Variants in PAX9 observed in about 807,000 individuals in gnomAD.
PAX9 encodes the protein paired box protein Pax-9.
Under a neutral mutation model 29.1 loss-of-function variants are expected in PAX9, and 6 were observed. That is an observed-to-expected ratio of 0.21 (90% CI 0.11 to 0.41). The LOEUF (loss-of-function observed/expected upper bound fraction) is 0.41, where lower values mean the gene tolerates loss of function less well. PAX9 is among the 10% of genes least tolerant of loss of function. The pLI, the probability that PAX9 is intolerant of heterozygous loss-of-function variation, is 1.00. For synonymous variants in PAX9, 217 were observed against 211.7 expected, an observed-to-expected ratio of 1.03 and a Z score of -0.22; for missense variants, 443 against 479.1, an observed-to-expected ratio of 0.92 and a Z score of 0.70.
Position 36,676,490 on chromosome 14 carries a change from CCT to C in PAX9, c.*39_*40del. ...TCTCCAGCAGCTTCACCCGGGTCTC[CCT>C]GTCTCAGCACCTCCTCCCCCAATTC... On this transcript the variant is annotated 3_prime_UTR_variant, in exon 4 of 4. Transcript: ENST00000361487. The C allele has an allele frequency of 6.2e-7, 1 of 1,605,216 alleles. No homozygotes were observed.
chr14:36,662,158 GGGA>G, intron 1 of PAX9, 65 bp downstream of exon 1: 2 of 1,263,724 alleles, frequency 1.6e-6, no homozygotes, highest in South Asian at 3.1e-5. Flanking sequence ...GGGCAAGGGA[GGGA>G]GGGAGGGAGG....
In PAX9 at chr14:36,678,954, A is replaced by C. The variant is rs1882046664; in HGVS notation, c.*2502A>C. On this transcript the variant is annotated 3_prime_UTR_variant, in exon 4 of 4. Coordinates refer to ENST00000361487, the MANE Select transcript of PAX9 (RefSeq NM_001372076.1). Reference sequence around the variant, plus strand: ...TGGATTAAAGGGTTAACTTTTAAAGATTATTATTGGTTAATGTTGACATAT... The same window carrying C: ...TGGATTAAAGGGTTAACTTTTAAAGCTTATTATTGGTTAATGTTGACATAT... 1.0e-6 allele frequency: 1 copy of C among 982,126 alleles called. No homozygotes were observed. Among genetic ancestry groups the C allele is most frequent in the African/African-American group, 1.7e-5 (1 of 57,186 alleles). The allele number at this position is 982,126 out of a possible 1,614,324, so 60.8% of individuals were successfully genotyped here.
At chr14:36,669,746 C>G (rs907671410) in intron 3 of PAX9, among the ~76,000 whole-genome samples, 5 of 152,010 alleles carry the variant, frequency 3.3e-5, no homozygotes, top group African/African-American at 1.2e-4. Flanking sequence ...ATGCATATAC[C>G]TATCTTTTGT....
upstream of PAX9, chr14:36,661,655 G>A: frequency 4.3e-6 from 1 of 231,670 alleles, no homozygotes; most frequent in East Asian, 1.0e-4. Flanking sequence ...TTTTTGTGCC[G>A]CTTCTGGGAA....
Position 36,662,112 on chromosome 14 carries a change from C to A in PAX9, c.4+19C>A. On this transcript the variant is annotated intron_variant, in intron 1 of 3. Transcript: ENST00000361487. ...GCAATGGGTGAGTGGCGGCGGGGGA[C>A]TCTGTCAGAGCCGGGAAGGGAGGGA... The A allele has an allele frequency of 7.6e-7, 1 of 1,310,974 alleles. No individual in the cohort carries two copies. Among genetic ancestry groups the A allele is most frequent in the South Asian group, 1.3e-5 (1 of 77,776 alleles). 81.2% of individuals were successfully genotyped at this position (1,310,974 alleles called of 1,614,324 possible). A position where few individuals can be genotyped will look rare whatever the true frequency, so the allele number is the denominator to read the frequency against.
chr14:36,666,377 T>C, intron 2 of PAX9, 85 bp from the exon 3 acceptor site: 1 of 1,529,192 alleles, frequency 6.5e-7, no homozygotes, highest in Non-Finnish European at 8.8e-7. Context: ...GCCCTCCAGC[T>C]CTCCGTCGCG....
chr14:36,662,493 C>T (rs964965206), intron 1 of PAX9: 12 of 380,568 alleles, frequency 3.2e-5, no homozygotes, highest in Admixed American at 2.5e-4. Flanking sequence ...TTTAACTGGC[C>T]GGGTCTCCAG....
intron 3 of PAX9, chr14:36,672,056 G>T (rs943457323): frequency 5.9e-5 from 9 of 152,174 alleles, no homozygotes; most frequent in Admixed American, 2.6e-4. Flanking sequence ...TTTCATGGAA[G>T]ATCCACATGA....
In PAX9 at chr14:36,678,368, T is replaced by G; in HGVS notation, c.*1916T>G. 1 of 925,124 alleles carries G rather than the reference T, an allele frequency of 1.1e-6. No homozygotes were observed. The highest frequency in any genetic ancestry group is 1.7e-6 in the Non-Finnish European group (1 of 599,512). The allele number at this position is 925,124 out of a possible 1,614,324, so 57.3% of individuals were successfully genotyped here. On this transcript the variant is annotated 3_prime_UTR_variant, in exon 4 of 4. Transcript: ENST00000361487. ...TTCTAAAGCAACCGAAATTCAGTGCTACAAATAGAGGATTATAACTTCAGG... is the reference window on the plus strand; with the variant it reads ...TTCTAAAGCAACCGAAATTCAGTGCGACAAATAGAGGATTATAACTTCAGG...
rs2139124673 is a variant in PAX9, at chr14:36,677,442, T to C, written c.*990T>C. ...CATATAAAGACAAGAGGGTGGAAAA[T>C]ATCTGAACAAGAAGGCTCTAAAGGA... is the stretch of plus-strand genomic sequence containing the variant. On this transcript the variant is annotated 3_prime_UTR_variant, in exon 4 of 4. Transcript: ENST00000361487. 1 of 152,100 alleles carries C rather than the reference T, an allele frequency of 6.6e-6. No homozygotes were observed. The highest frequency in any genetic ancestry group is 1.9e-4 in the East Asian group (1 of 5,200). 9.4% of individuals were successfully genotyped at this position (152,100 alleles called of 1,614,324 possible). A position where few individuals can be genotyped will look rare whatever the true frequency, so the allele number is the denominator to read the frequency against.
rs1881284171 is a variant in PAX9, at chr14:36,661,933, T to C, written c.-157T>C. ...TTTCATCGGGGCACAGACTTCCTTT[T>C]ACTTCTTCCTTTTGCCCTCTCGCCT... On this transcript the variant is annotated 5_prime_UTR_variant, in exon 1 of 4. Transcript: ENST00000361487. 7.1e-6 allele frequency: 6 copies of C among 844,594 alleles called. No homozygotes were observed. Among genetic ancestry groups the C allele is most frequent in the East Asian group, 2.7e-5 (1 of 37,730 alleles). The allele number at this position is 844,594 out of a possible 1,614,324, so 52.3% of individuals were successfully genotyped here. A position where few individuals can be genotyped will look rare whatever the true frequency, so the allele number is the denominator to read the frequency against.
At chr14:36,673,692 G>A (rs966665102) in intron 3 of PAX9, among the ~76,000 whole-genome samples, 20 of 152,098 alleles carry the variant, frequency 1.3e-4, no homozygotes, top group African/African-American at 2.4e-4. Context: ...TTGAATGATA[G>A]ATAAAATACA....
chr14:36,670,211 G>T (rs1206972255), intron 3 of PAX9, among the ~76,000 whole-genome samples: 4 of 151,990 alleles, frequency 2.6e-5, no homozygotes, highest in Admixed American at 6.6e-5. Context: ...AAAGTAATTG[G>T]AGTGACAGAT....
Position 36,662,581 on chromosome 14 carries a change from C to T in PAX9, c.5-316C>T, listed in dbSNP as rs144143799. 2.6e-4 allele frequency: 126 copies of T among 480,436 alleles called. 1 individual carries two copies. The East Asian group carries it at 4.0e-3, about 15-fold the overall frequency. The allele number at this position is 480,436 out of a possible 1,614,324, so 29.8% of individuals were successfully genotyped here. A position where few individuals can be genotyped will look rare whatever the true frequency, so the allele number is the denominator to read the frequency against. The stretch of plus-strand genomic sequence containing the variant: ...AGTGAGGAGCAGGCGAGAAGGAGCA[C>T]GTTCAGGCGTCAAGACCGATTTCTC... On this transcript the variant is annotated intron_variant, in intron 1 of 3. Coordinates refer to ENST00000361487, the MANE Select transcript of PAX9 (RefSeq NM_001372076.1).
At chr14:36,666,903 G>A (rs538546113) in intron 3 of PAX9, among the ~76,000 whole-genome samples, 165 of 152,290 alleles carry the variant, frequency 1.1e-3, no homozygotes, top group African/African-American at 3.9e-3. Context: ...TCGGCCTCCG[G>A]GAGCTTGGGG....
chr14:36,659,839 A>G (rs141304365), upstream of PAX9, among the ~76,000 whole-genome samples: 214 of 152,272 alleles, frequency 1.4e-3, no homozygotes, highest in African/African-American at 5.0e-3. Flanking sequence ...GCTCTAAACC[A>G]TATCAGTTTC....
chr14:36,676,708 T>C lies in PAX9; in HGVS notation c.*256T>C. 1.9e-6 allele frequency: 1 copy of C among 533,966 alleles called. No individual in the cohort carries two copies. Among genetic ancestry groups the C allele is most frequent in the South Asian group, 2.0e-5 (1 of 50,248 alleles). 33.1% of individuals were successfully genotyped at this position (533,966 alleles called of 1,614,324 possible). On this transcript the variant is annotated 3_prime_UTR_variant, in exon 4 of 4. Coordinates refer to ENST00000361487, the MANE Select transcript of PAX9 (RefSeq NM_001372076.1). Reference sequence around the variant, plus strand: ...TAAGCATTGAATGAGACATTTGTGTTGCCCACATACTGTCTTAACATAACA... The same window carrying C: ...TAAGCATTGAATGAGACATTTGTGTCGCCCACATACTGTCTTAACATAACA...
chr14:36,659,607 G>A (rs140382291), upstream of PAX9, among the ~76,000 whole-genome samples: 177 of 152,328 alleles, frequency 1.2e-3, 8 homozygotes, highest in East Asian at 0.033. Flanking sequence ...TGGGGCCTGC[G>A]GGGAGCCGCC....
At chr14:36,666,939 G>A (rs1016542630) in intron 3 of PAX9, among the ~76,000 whole-genome samples, 1 of 152,176 alleles carries the variant, frequency 6.6e-6, no homozygotes, top group Non-Finnish European at 1.5e-5. Context: ...CCCTTTCGGC[G>A]GCTCTCGTTG....
Sources: gnomAD v4.1 joint callset for allele counts (sites outside exome capture counted in the v4.1 genomes callset) on GRCh38, gnomAD v4.1.1 for gene constraint, MANE v1.5 for transcripts, NCBI Gene and HGNC (gene_info 2026-07-23, HGNC 2026-07-21) for gene names.